The following SHANK2 variants were observed in gnomAD, a reference collection of about 807,000 sequenced individuals.
SHANK2 encodes SH3 and multiple ankyrin repeat domains protein 2.
In SHANK2, 43 loss-of-function variants were observed where a neutral mutation model predicts 133.7. The ratio of observed to expected loss-of-function variants is 0.32; its 90% CI spans 0.25 to 0.41. The LOEUF (loss-of-function observed/expected upper bound fraction) is 0.41. SHANK2 is among the 10% of genes least tolerant of loss of function. The pLI, the probability that SHANK2 is intolerant of heterozygous loss-of-function variation, is 1.00. For synonymous variants in SHANK2, 1,017 were observed against 952.8 expected (o/e 1.07, Z -1.24); for missense variants, 1,994 against 2,235.8 (o/e 0.89, Z 2.18).
At chr11:71,202,985 G>A (rs1378118954) in intron 2 of SHANK2, among the ~76,000 whole-genome samples, 12 of 152,196 alleles carry the variant, frequency 7.9e-5, no homozygotes, top group Non-Finnish European at 1.8e-4. Context: ...ATTTTCTGTG[G>A]AGCAGCAAAA....
At chr11:71,082,870 C>A (rs1951318793) in intron 8 of SHANK2, among the ~76,000 whole-genome samples, 1 of 152,096 alleles carries the variant, frequency 6.6e-6, no homozygotes, top group Non-Finnish European at 1.5e-5. Flanking sequence ...ACAATGGGAG[C>A]AAAATCAAAC....
At chr11:71,252,840 T>C (rs529993619), upstream of SHANK2, among the ~76,000 whole-genome samples, 84 of 152,156 alleles carry the variant, frequency 5.5e-4, no homozygotes, top group African/African-American at 2.0e-3. This position sits in a 1 kb window ranked among gnomAD's most constrained non-coding sequence, Gnocchi z 6.3. Flanking sequence ...CCGGGCTGCG[T>C]GGCTCACGGA....
chr11:70,929,685 CAGAT>C (rs1950476233), intron 10 of SHANK2, among the ~76,000 whole-genome samples: 2 of 152,208 alleles, frequency 1.3e-5, no homozygotes, highest in Non-Finnish European at 1.5e-5. Context: ...GGGCCTGACT[CAGAT>C]AGTCCAAAAC....
At position 70,581,551 on chromosome 11, in the gene SHANK2, C is replaced by T. The variant is rs472042; in HGVS notation, c.2061+78277G>A. Among the ~76,000 whole-genome samples the T allele has an allele frequency of 1.7e-3, 264 of 152,174 alleles. 1 individual carries two copies. Among genetic ancestry groups the T allele is most frequent in the Middle Eastern group, 3.4e-3 (1 of 294 alleles). On this transcript the variant is annotated intron_variant, in intron 17 of 25. Transcript: ENST00000601538. ...ACTAAAAATACAAAAATTAACCGGG[C>T]GTGGTGGCACGTGCCTGTAATCCCA... is the stretch of plus-strand genomic sequence containing the variant.
intron 17 of SHANK2, among the ~76,000 whole-genome samples, chr11:70,596,462 T>C (rs2060402128): frequency 6.6e-6 from 1 of 152,152 alleles, no homozygotes; most frequent in Non-Finnish European, 1.5e-5. Context: ...ACCCGGGTTC[T>C]AGGGTTCTGG....
At chr11:70,822,697 C>T (rs11237608) in intron 11 of SHANK2, among the ~76,000 whole-genome samples, 6 of 109,566 alleles carry the variant, frequency 5.5e-5, no homozygotes, top group South Asian at 6.6e-4. Context: ...AGAGGTGGCG[C>T]TGGCAGAGGT....
At chr11:70,842,885 C>T (rs535887712) in intron 11 of SHANK2, among the ~76,000 whole-genome samples, 13 of 152,294 alleles carry the variant, frequency 8.5e-5, no homozygotes, top group African/African-American at 1.4e-4. Flanking sequence ...GAGAATAACA[C>T]GGACGGTGGA....
At chr11:71,114,843 G>T (rs1162101054) in intron 4 of SHANK2, among the ~76,000 whole-genome samples, 1 of 152,048 alleles carries the variant, frequency 6.6e-6, no homozygotes, top group East Asian at 1.9e-4. Flanking sequence ...AAGTCTCAGG[G>T]AATTCAATTC....
chr11:71,190,367 G>A (rs1173516141), intron 2 of SHANK2, among the ~76,000 whole-genome samples: 1 of 152,190 alleles, frequency 6.6e-6, no homozygotes, highest in East Asian at 1.9e-4. Flanking sequence ...AGGCAGCGGT[G>A]CTAAGTACTT....
At chr11:70,922,861 C>G (rs1950370414) in intron 10 of SHANK2, among the ~76,000 whole-genome samples, 1 of 151,876 alleles carries the variant, frequency 6.6e-6, no homozygotes, top group South Asian at 2.1e-4. Context: ...GGAAGCTGAC[C>G]TGGTGACATA....
chr11:70,530,680 A>G (rs1179658494), intron 17 of SHANK2, among the ~76,000 whole-genome samples: 1 of 152,196 alleles, frequency 6.6e-6, no homozygotes, highest in African/African-American at 2.4e-5. Flanking sequence ...TCCCTAGAGT[A>G]GCCAAATCCA....
intron 3 of SHANK2, among the ~76,000 whole-genome samples, chr11:71,128,006 G>A (rs766362876): frequency 2.6e-5 from 4 of 152,282 alleles, no homozygotes; most frequent in East Asian, 1.9e-4. Context: ...CACCGGGGCC[G>A]AGGTCTCACG....
chr11:70,888,613 T>C (rs1302724599), intron 11 of SHANK2, among the ~76,000 whole-genome samples: 3 of 151,900 alleles, frequency 2.0e-5, no homozygotes, highest in Non-Finnish European at 4.4e-5. Context: ...GGTCAGGAGT[T>C]TGAGACCAGC....
At chr11:71,109,569 C>A (rs567447148) in intron 6 of SHANK2, among the ~76,000 whole-genome samples, 2 of 152,348 alleles carry the variant, frequency 1.3e-5, no homozygotes, top group East Asian at 3.9e-4. Flanking sequence ...TGCCCGTGCC[C>A]AGCGGGAGGC....
chr11:70,746,304 C>T (rs989223935), intron 14 of SHANK2, among the ~76,000 whole-genome samples: 3 of 151,844 alleles, frequency 2.0e-5, no homozygotes, highest in Admixed American at 6.6e-5. Context: ...GTGGGGGATG[C>T]GGGCTGCCCC....
At chr11:71,172,905 C>T (rs188092810) in intron 2 of SHANK2, among the ~76,000 whole-genome samples, 5 of 152,344 alleles carry the variant, frequency 3.3e-5, no homozygotes, top group Admixed American at 6.5e-5. Flanking sequence ...ATCAAAAATG[C>T]ACGAGCACAG....
intron 10 of SHANK2, among the ~76,000 whole-genome samples, chr11:70,912,072 A>G (rs1176109731): frequency 8.3e-6 from 1 of 120,924 alleles, no homozygotes; most frequent in Admixed American, 9.4e-5. Context: ...ACAGAGTGAG[A>G]CTCTGTCAAA....
rs578042519 is a variant in SHANK2, at chr11:70,727,352, T to C, written c.1778-28589A>G. 9.9e-5 allele frequency among the ~76,000 whole-genome samples: 15 copies of C among 152,278 alleles called. No individual in the cohort carries two copies. The East Asian group carries it at 2.1e-3, about 22-fold the overall frequency. ...CCAATACTTCACATATGAACTGCTA[T>C]ATTTGGGGTCTTTCTCCAGAGACAG... On this transcript the variant is annotated intron_variant, in intron 14 of 25. Transcript: ENST00000601538.
intron 8 of SHANK2, among the ~76,000 whole-genome samples, chr11:71,087,456 C>T (rs1299645109): frequency 6.6e-6 from 1 of 152,132 alleles, no homozygotes; most frequent in Non-Finnish European, 1.5e-5. Context: ...AACTACTCCA[C>T]GTTTAAGGAG....
Sources: gnomAD v4.1 joint callset for allele counts (sites outside exome capture counted in the v4.1 genomes callset) on GRCh38, gnomAD v4.1.1 for gene constraint, Gnocchi (gnomAD v3.1) non-coding constraint, MANE v1.5 for transcripts, NCBI Gene and HGNC (gene_info 2026-07-23, HGNC 2026-07-21) for gene names.